Variants in RELN observed in about 807,000 individuals in gnomAD.
RELN encodes the protein reelin.
RELN carries 108 observed loss-of-function variants against 427.6 expected under a neutral mutation model. The ratio of observed to expected loss-of-function variants is 0.25; its 90% CI spans 0.22 to 0.30. The LOEUF is 0.30. RELN is among the 10% of genes least tolerant of loss of function. The pLI is 1.00. For synonymous variants in RELN, 1,524 were observed against 1,513.4 expected (o/e 1.01, Z -0.16); for missense variants, 3,715 against 4,302.8 (o/e 0.86, Z 3.82).
intron 4 of RELN, among the ~76,000 whole-genome samples, chr7:103,771,554 T>A (rs1054605600): frequency 2.0e-5 from 3 of 152,298 alleles, no homozygotes; most frequent in East Asian, 3.9e-4. Flanking sequence ...ACTCTGCAAC[T>A]CCCTCAGAGC....
At chr7:103,949,041 A>C (rs116938169) in intron 1 of RELN, among the ~76,000 whole-genome samples, 40,066 of 145,512 alleles carry the variant, frequency 0.28, 6,414 homozygotes, top group Non-Finnish European at 0.35. Context: ...AAAAAAAAAA[A>C]AAAAAACCCG....
intron 11 of RELN, 125 bp downstream of exon 11, chr7:103,681,991 T>A: frequency 1.0e-6 from 1 of 964,600 alleles, no homozygotes; most frequent in Non-Finnish European, 1.7e-6. Context: ...TTGGCTTGTC[T>A]ACGATAAGAA....
intron 64 of RELN, among the ~76,000 whole-genome samples, chr7:103,475,376 C>CCGTG (rs1828000330): frequency 6.6e-6 from 1 of 152,100 alleles, no homozygotes; most frequent in East Asian, 1.9e-4. Context: ...CCTGCCTGAC[C>CCGTG]CGTGCATGGG....
At chr7:103,963,436 A>G (rs1288918874) in intron 1 of RELN, among the ~76,000 whole-genome samples, 1 of 152,220 alleles carries the variant, frequency 6.6e-6, no homozygotes, top group Non-Finnish European at 1.5e-5. Flanking sequence ...TGTTCTAGGT[A>G]GGAGTCTTCA....
At position 103,825,315 on chromosome 7, in the gene RELN, C is replaced by A. The variant is rs143980650; in HGVS notation, c.473+8222G>T. Among the ~76,000 whole-genome samples the A allele has an allele frequency of 5.1e-3, 780 of 152,210 alleles. 12 individuals carry two copies. Among genetic ancestry groups the A allele is most frequent in the African/African-American group, 0.018 (739 of 41,544 alleles). ...CAGAGGAAAATGCCTTAGCCCAAGG[C>A]AGCCAAAGAGCAGCACTAAGTCCTG... On this transcript the variant is annotated intron_variant, in intron 3 of 64. Coordinates refer to ENST00000428762, the MANE Select transcript of RELN (RefSeq NM_005045.4).
At chr7:103,954,161 G>A (rs976619606) in intron 1 of RELN, among the ~76,000 whole-genome samples, 9 of 152,182 alleles carry the variant, frequency 5.9e-5, no homozygotes, top group South Asian at 2.1e-4. Context: ...TCAAGAGGCT[G>A]AGGCAGGAGA....
chr7:103,856,224 A>G (rs1793940275), intron 2 of RELN, among the ~76,000 whole-genome samples: 1 of 152,124 alleles, frequency 6.6e-6, no homozygotes, highest in Non-Finnish European at 1.5e-5. Flanking sequence ...TGCCACATAA[A>G]ACGGGGGAGG....
intron 21 of RELN, among the ~76,000 whole-genome samples, 155 bp from the exon 22 acceptor site, chr7:103,610,962 C>T (rs563780565): frequency 5.9e-4 from 89 of 152,136 alleles, no homozygotes; most frequent in African/African-American, 2.1e-3. Context: ...TTTTTCTTTC[C>T]ATGAAGCTAA....
intron 4 of RELN, among the ~76,000 whole-genome samples, chr7:103,758,947 G>C (rs1438464094): frequency 1.3e-5 from 2 of 151,850 alleles, no homozygotes; most frequent in Non-Finnish European, 1.5e-5. Context: ...CTAGATGCTT[G>C]AGTATTATTA....
chr7:103,894,332 C>T (rs909920771), intron 2 of RELN, among the ~76,000 whole-genome samples: 1 of 152,152 alleles, frequency 6.6e-6, no homozygotes, highest in Non-Finnish European at 1.5e-5. Context: ...CAACAGCATG[C>T]ATCATAAATA....
chr7:103,681,763 C>A (rs1157319123), intron 11 of RELN, among the ~76,000 whole-genome samples: 1 of 151,902 alleles, frequency 6.6e-6, no homozygotes, highest in Non-Finnish European at 1.5e-5. Context: ...AATCTCAGAC[C>A]CCAGGAAGAC....
chr7:103,707,203 A>C (rs1321456910), intron 8 of RELN, among the ~76,000 whole-genome samples: 1 of 152,028 alleles, frequency 6.6e-6, no homozygotes, highest in Non-Finnish European at 1.5e-5. Context: ...ATCATCTTTC[A>C]CCCAGATCAA....
intron 5 of RELN, among the ~76,000 whole-genome samples, chr7:103,750,377 A>G (rs1414481527): frequency 1.3e-5 from 2 of 152,278 alleles, no homozygotes; most frequent in South Asian, 2.1e-4. Flanking sequence ...TTCTGCCACA[A>G]TTGTAAGTTT....
intron 2 of RELN, among the ~76,000 whole-genome samples, chr7:103,914,106 TA>T (rs985232879): frequency 1.3e-5 from 2 of 152,184 alleles, no homozygotes; most frequent in Admixed American, 1.3e-4. Flanking sequence ...ATCGACTTTT[TA>T]CAGCTTTCAA....
intron 3 of RELN, among the ~76,000 whole-genome samples, chr7:103,829,881 G>A (rs975389343): frequency 6.6e-6 from 1 of 151,852 alleles, no homozygotes; most frequent in Admixed American, 6.6e-5. Flanking sequence ...AGGTAACTAG[G>A]GTTTCAAAAA....
At chr7:103,745,864 G>A in intron 6 of RELN, among the ~76,000 whole-genome samples, 1 of 152,176 alleles carries the variant, frequency 6.6e-6, no homozygotes, top group Admixed American at 6.5e-5. Flanking sequence ...TAGATTCAAT[G>A]CCAACCCAAT....
intron 1 of RELN, among the ~76,000 whole-genome samples, chr7:103,965,914 T>C (rs1241470658): frequency 6.6e-6 from 1 of 152,236 alleles, no homozygotes; most frequent in Non-Finnish European, 1.5e-5. Flanking sequence ...AACATTTGAA[T>C]TATTCATAGC....
Position 103,765,597 on chromosome 7 carries a change from A to G in RELN, c.544+10960T>C, listed in dbSNP as rs552339494. Among the ~76,000 whole-genome samples, 5 of 152,342 alleles carry G rather than the reference A, an allele frequency of 3.3e-5. No individual in the cohort carries two copies. In the South Asian group the frequency reaches 1.0e-3, roughly 32 times the overall value. ...TTGGATTAATAAACTGGATGAAATAATATTTCACAAGTCAAACAAAATTGT... is the reference window on the plus strand; with the variant it reads ...TTGGATTAATAAACTGGATGAAATAGTATTTCACAAGTCAAACAAAATTGT... On this transcript the variant is annotated intron_variant, in intron 4 of 64. Transcript: ENST00000428762.
At position 103,490,749 on chromosome 7, in the gene RELN, T is replaced by G. The variant is rs74513461; in HGVS notation, c.9524A>C (p.His3175Pro). The change falls in exon 59 of 65, where the codon CAT (histidine) becomes CCT (proline). Residue 3175 changes from histidine (H) to proline (P), a missense_variant. Physicochemically the swap from His to Pro is moderately conservative, Grantham distance 77 (BLOSUM62 -2). Coordinates refer to ENST00000428762, the MANE Select transcript of RELN (RefSeq NM_005045.4). ...GACAGAGTTGTAGATGGTGGCTTCA[T>G]GGAACTGGAAAGGGGAGCAGCCAAT... is the stretch of plus-strand genomic sequence containing the variant. ...NSIGCSPFQFHEATIYNSVNS... is the reference protein window; with the variant it reads ...NSIGCSPFQFPEATIYNSVNS... 1.1e-3 allele frequency: 1,768 copies of G among 1,614,152 alleles called. 17 individuals are homozygous for G. In the African/African-American group the frequency reaches 0.022, roughly 20 times the overall value.
Sources: allele counts gnomAD v4.1 joint callset (sites outside exome capture counted in the v4.1 genomes callset), GRCh38; gene constraint gnomAD v4.1.1; transcripts MANE v1.5; gene names NCBI Gene and HGNC (gene_info 2026-07-23, HGNC 2026-07-21).